FAT1: variants seen among roughly 807,000 people sequenced by gnomAD.
FAT1 encodes FAT atypical cadherin 1.
A neutral mutation model predicts 329.8 loss-of-function variants in FAT1; 171 were observed. That is an observed-to-expected ratio of 0.52 (90% confidence interval 0.46 to 0.59). The LOEUF (loss-of-function observed/expected upper bound fraction) is 0.59, where lower values mean the gene tolerates loss of function less well. FAT1 is among the 20% of genes least tolerant of loss of function. The probability of loss-of-function intolerance (pLI) is 0.00; values close to 1 mark genes in which losing one functional copy is unlikely to be tolerated. For synonymous variants in FAT1, 2,233 were observed against 2,228.6 expected (o/e 1.00, Z -0.06); for missense variants, 5,672 against 5,774.4 (o/e 0.98, Z 0.57).
At chr4:186,651,012 T>G (rs1299177258) in intron 3 of FAT1, among the ~76,000 whole-genome samples, 1 of 83,212 alleles carries the variant, frequency 1.2e-5, no homozygotes, top group Non-Finnish European at 2.5e-5. Context: ...ATTTTTACAA[T>G]GAAGTATTAA....
chr4:186,611,312 A>C, intron 14 of FAT1, 74 bp downstream of exon 14: 1 of 1,398,856 alleles, frequency 7.1e-7, no homozygotes, highest in Non-Finnish European at 9.7e-7. Flanking sequence ...CACTTAATAC[A>C]AGGCAACGTG....
chr4:186,628,167 G>A lies in FAT1; in HGVS notation c.4797C>T (p.Tyr1599=), dbSNP rs1385410313. Residue 1599 remains tyrosine (Y), a synonymous_variant, in exon 9 of 27, where the codon TAC becomes TAT. Transcript: ENST00000441802. ...CTCCAAAAGTACCTGACTCGATCGA[G>A]TACAGCACTTCAGCATTTTTCCCTT... is the stretch of plus-strand genomic sequence containing the variant. The part of the protein sequence containing the change: ...KDKGKNAEVL[Y]SIESGNIGNS... 2.5e-6 allele frequency: 4 copies of A among 1,613,734 alleles called. No individual in the cohort carries two copies. The highest frequency in any genetic ancestry group is 3.4e-6 in the Non-Finnish European group (4 of 1,179,844).
chr4:186,617,311 T>C lies in FAT1; in HGVS notation c.8879-110A>G, dbSNP rs28451789. 0.085 allele frequency: 68,193 copies of C among 797,674 alleles called. 4,538 individuals carry two copies. The highest frequency in any genetic ancestry group is 0.3 in the African/African-American group (16,924 of 56,228). The allele number at this position is 797,674 out of a possible 1,614,324, so 49.4% of individuals were successfully genotyped here. On this transcript the variant is annotated intron_variant, in intron 10 of 26. Transcript: ENST00000441802. ...TGTATAATGTTATAGTTTAAAAGAA[T>C]TGAGTATTAAAAGAATTAATTTGGC... is the stretch of plus-strand genomic sequence containing the variant.
intron 26 of FAT1, among the ~76,000 whole-genome samples, chr4:186,594,362 C>T (rs190671351): frequency 2.2e-4 from 33 of 151,966 alleles, no homozygotes; most frequent in East Asian, 1.9e-3. Context: ...CGCCCGGCCA[C>T]CTGGGACTAT....
At chr4:186,659,802 A>T (rs556527623) in intron 3 of FAT1, among the ~76,000 whole-genome samples, 23 of 147,460 alleles carry the variant, frequency 1.6e-4, no homozygotes, top group African/African-American at 5.8e-4. Context: ...CGGCTGTGGC[A>T]CCTGTCCCCT....
At chr4:186,666,761 T>C (rs1221189637) in intron 2 of FAT1, among the ~76,000 whole-genome samples, 1 of 152,220 alleles carries the variant, frequency 6.6e-6, no homozygotes, top group Non-Finnish European at 1.5e-5. Context: ...TTACATGCAT[T>C]ATCTTATATA....
At chr4:186,645,968 TACACACACACAC>T (rs371987938) in intron 3 of FAT1, among the ~76,000 whole-genome samples, 16 of 105,228 alleles carry the variant, frequency 1.5e-4, no homozygotes, top group East Asian at 1.4e-3. Flanking sequence ...AAAAAATATA[TACACACACACAC>T]ACACACACAC....
At chr4:186,673,823 C>T (rs1355938312) in intron 2 of FAT1, among the ~76,000 whole-genome samples, 46 of 152,248 alleles carry the variant, frequency 3.0e-4, no homozygotes, top group Non-Finnish European at 5.9e-5. Context: ...CATGTTGTCC[C>T]GCTTTGTTGA....
At chr4:186,722,219 G>A (rs551998150) in intron 1 of FAT1, among the ~76,000 whole-genome samples, 2 of 152,070 alleles carry the variant, frequency 1.3e-5, no homozygotes, top group Non-Finnish European at 2.9e-5. Context: ...AACCCAACGG[G>A]GATACTTCAA....
Position 186,657,203 on chromosome 4 carries a change from C to T in FAT1, c.3580+6096G>A, listed in dbSNP as rs1296254377. On this transcript the variant is annotated intron_variant, in intron 3 of 26. Transcript: ENST00000441802. The stretch of plus-strand genomic sequence containing the variant: ...GTACTCAATGTTCACAGCGGATTTA[C>T]AAACTGCCAAAAACTGGCAGCAATA... Among the ~76,000 whole-genome samples the T allele has an allele frequency of 3.9e-5, 6 of 152,290 alleles. No homozygotes were observed. The South Asian group carries it at 1.0e-3, about 26-fold the overall frequency.
At chr4:186,651,100 A>G (rs1466071219) in intron 3 of FAT1, among the ~76,000 whole-genome samples, 3 of 148,774 alleles carry the variant, frequency 2.0e-5, no homozygotes, top group African/African-American at 7.3e-5. Flanking sequence ...ATGCTTCATT[A>G]TTATTCATAA....
intron 2 of FAT1, among the ~76,000 whole-genome samples, chr4:186,677,643 C>T (rs1256340695): frequency 6.6e-6 from 1 of 152,078 alleles, no homozygotes; most frequent in Non-Finnish European, 1.5e-5. Context: ...TCCTACAATA[C>T]CCAGTATATG....
chr4:186,610,426 C>A (rs901947663), intron 14 of FAT1, among the ~76,000 whole-genome samples: 4 of 151,536 alleles, frequency 2.6e-5, no homozygotes, highest in African/African-American at 9.7e-5. Context: ...TATTTTCCTT[C>A]TCATATTTTT....
At position 186,618,703 on chromosome 4, in the gene FAT1, T is replaced by C. The variant is rs779627296; in HGVS notation, c.7883A>G (p.Asn2628Ser). The C allele has an allele frequency of 8.7e-6, 14 of 1,613,928 alleles. No homozygotes were observed. In the East Asian group the frequency reaches 1.1e-4, roughly 13 times the overall value. The change falls in exon 10 of 27, where the codon AAT becomes AGT. Residue 2628 changes from asparagine to serine, a missense_variant. Coordinates refer to ENST00000441802, the MANE Select transcript of FAT1 (RefSeq NM_005245.4). ...TTCAATGGCATAGGTGATGTCGGCA[T>C]TGGAGCCCTCATCGGCATCACTTGC... ...VLASDADEGS[N>S]ADITYAIEAD... is the part of the protein sequence containing the mutation.
rs754560391 is a variant in FAT1 at position 186,706,972 on chromosome 4, G to A, written c.2856C>T (p.His952=). The part of the protein sequence containing the change: ...EGTVIMWLEA[H]DPDLGQSGQV... The stretch of plus-strand genomic sequence containing the variant: ...GACCAGACTGACCTAAATCAGGATC[G>A]TGGGCTTCTAACCACATGATGACGG... Residue 952 remains histidine, a synonymous_variant, in exon 2 of 27, where the codon CAC becomes CAT. Coordinates refer to ENST00000441802, the MANE Select transcript of FAT1 (RefSeq NM_005245.4). 2.2e-5 allele frequency: 36 copies of A among 1,614,004 alleles called. No individual in the cohort carries two copies. Among genetic ancestry groups the A allele is most frequent in the Middle Eastern group, 1.6e-4 (1 of 6,062 alleles).
intron 2 of FAT1, among the ~76,000 whole-genome samples, chr4:186,690,162 A>C (rs960579194): frequency 3.3e-5 from 5 of 152,244 alleles, no homozygotes; most frequent in Admixed American, 1.3e-4. Flanking sequence ...AAAGAAGAGC[A>C]AACACTTGAG....
In FAT1 at chr4:186,621,112, C is replaced by T. The variant is rs1370574816; in HGVS notation, c.5474G>A (p.Ser1825Asn). The T allele has an allele frequency of 6.2e-7, 1 of 1,613,744 alleles. No homozygotes were observed. The highest frequency in any genetic ancestry group is 1.7e-5 in the Admixed American group (1 of 60,026). ...TAGTACTGTATGAATAGCACCAGTG[C>T]TAGAATCAATAGCAAAATATGTGTG... ...SVHTYFAIDSSTGAIHTVLSL... is the reference protein window; with the variant it reads ...SVHTYFAIDSNTGAIHTVLSL... Residue 1825 changes from serine (S) to asparagine (N), a missense_variant, in exon 10 of 27, where the codon AGC becomes AAC. This residue lies in a region of FAT1 where 3,966 missense variants were observed against 3,915.2 expected (regional missense o/e 1.01). Coordinates refer to ENST00000441802, the MANE Select transcript of FAT1 (RefSeq NM_005245.4).
At chr4:186,591,303 A>C (rs746708953) in intron 26 of FAT1, among the ~76,000 whole-genome samples, 4 of 152,198 alleles carry the variant, frequency 2.6e-5, no homozygotes, top group Non-Finnish European at 5.9e-5. Flanking sequence ...TGCATTCAAC[A>C]GTGTTATAAT....
At position 186,628,640 on chromosome 4, in the gene FAT1, G is replaced by C. The variant is rs1740441953; in HGVS notation, c.4447C>G (p.Gln1483Glu). Reference sequence around the variant, plus strand: ...TAGATTAGTTTGTTTTTCTCATCCTGATCCACAGCACTGATTTGCAAAATT... The same window carrying C: ...TAGATTAGTTTGTTTTTCTCATCCTCATCCACAGCACTGATTTGCAAAATT... The part of the protein sequence containing the change: ...TEILQISAVD[Q>E]DEKNKLIYTL... Residue 1483 changes from glutamine (Q) to glutamate (E), a missense_variant, in exon 8 of 27, where the codon CAG (glutamine) becomes GAG (glutamate). Coordinates refer to ENST00000441802, the MANE Select transcript of FAT1 (RefSeq NM_005245.4). 2 of 1,612,684 alleles carry C rather than the reference G, an allele frequency of 1.2e-6. No individual in the cohort carries two copies.
Sources: allele counts gnomAD v4.1 joint callset (sites outside exome capture counted in the v4.1 genomes callset), GRCh38; gene constraint gnomAD v4.1.1; regional missense constraint gnomAD v4.1.1; transcripts MANE v1.5; gene names NCBI Gene and HGNC (gene_info 2026-07-23, HGNC 2026-07-21).